DXO: variants seen among roughly 807,000 people sequenced by gnomAD.
DXO encodes the protein decapping and exoribonuclease protein.
A neutral mutation model predicts 39.8 loss-of-function variants in DXO; 42 were observed. The ratio of observed to expected loss-of-function variants is 1.06; its 90% CI spans 0.83 to 1.37. The LOEUF is 1.37. Ranked by LOEUF, DXO falls within the 40% of genes most tolerant of loss-of-function variation. DXO has a pLI of 0.00. For synonymous variants in DXO, 193 were observed against 200.4 expected (o/e 0.96, Z 0.31); for missense variants, 495 against 513.0 (o/e 0.96, Z 0.34).
chr6:31,970,648 G>C lies in DXO; in HGVS notation c.770C>G (p.Ser257Cys). The change falls in exon 4 of 7, where the codon TCC (serine) becomes TGC (cysteine). Residue 257 changes from serine to cysteine, a missense_variant. Physicochemically the swap from Ser to Cys is moderately radical, Grantham distance 112. Transcript: ENST00000337523. This position sits in a 1 kb window ranked among gnomAD's most constrained non-coding sequence, Gnocchi z 4.0. Reference sequence around the variant, plus strand: ...TTGGCCAGGGCTGTGCATCTCCTTGGAGGTCTTGAGCTCCACATAGCAGGT... The same window carrying C: ...TTGGCCAGGGCTGTGCATCTCCTTGCAGGTCTTGAGCTCCACATAGCAGGT... ...PPTCYVELKTSKEMHSPGQWR... is the reference protein window; with the variant it reads ...PPTCYVELKTCKEMHSPGQWR... 4.3e-6 allele frequency: 7 copies of C among 1,613,128 alleles called. No homozygotes were observed. The highest frequency in any genetic ancestry group is 5.9e-6 in the Non-Finnish European group (7 of 1,180,008).
In DXO at chr6:31,972,019, T is replaced by C. The variant is rs765029609; in HGVS notation, c.-97A>G. 1 of 1,607,648 alleles carries C rather than the reference T, an allele frequency of 6.2e-7. No individual in the cohort carries two copies. The highest frequency in any genetic ancestry group is 1.7e-5 in the Admixed American group (1 of 59,834). The stretch of plus-strand genomic sequence containing the variant: ...AGGATGCAAAAGTGGTTTTCTGCTT[T>C]CGATGATGCAATCATTCAGCGACAG... On this transcript the variant is annotated 5_prime_UTR_variant, in exon 1 of 7. Transcript: ENST00000337523. The surrounding 1 kb of genome is among the most constrained non-coding windows in gnomAD (Gnocchi z 6.3).
rs1472730519 is a variant in DXO, at chr6:31,971,593, G to C, written c.83C>G (p.Ser28Cys). The C allele has an allele frequency of 1.2e-6, 2 of 1,613,834 alleles. No homozygotes were observed. Among genetic ancestry groups the C allele is most frequent in the Non-Finnish European group, 1.7e-6 (2 of 1,180,020 alleles). The change falls in exon 2 of 7, where the codon TCT becomes TGT. Residue 28 changes from serine to cysteine, a missense_variant. Ser to Cys is a moderately radical substitution (Grantham distance 112). Coordinates refer to ENST00000337523, the MANE Select transcript of DXO (RefSeq NM_005510.4). This position sits in a 1 kb window ranked among gnomAD's most constrained non-coding sequence, Gnocchi z 4.5. ...PRNKLPRPAP[S>C]LPTDPALYSG... ...GTAGAGGGCAGGGTCTGTGGGCAGA[G>C]AAGGTGCTGGACGAGGTAGTTTGTT...
chr6:31,972,101 C>G lies in DXO; in HGVS notation c.-179G>C. ...GTGTGAGCTTCACGAAGGAGGTTGA[C>G]ACCAACGTGGCCACCGGCGCCCCTC... On this transcript the variant is annotated 5_prime_UTR_variant, in exon 1 of 7. Coordinates refer to ENST00000337523, the MANE Select transcript of DXO (RefSeq NM_005510.4). The surrounding 1 kb of genome is among the most constrained non-coding windows in gnomAD (Gnocchi z 6.3). The G allele has an allele frequency of 6.2e-7, 1 of 1,613,118 alleles. No homozygotes were observed. The highest frequency in any genetic ancestry group is 8.5e-7 in the Non-Finnish European group (1 of 1,179,888).
rs1219344321 is a variant in DXO, at chr6:31,971,099, C to T, written c.405G>A (p.Leu135=). The T allele has an allele frequency of 6.2e-7, 1 of 1,612,900 alleles. No individual in the cohort carries two copies. The highest frequency in any genetic ancestry group is 2.2e-5 in the East Asian group (1 of 44,872). The change falls in exon 3 of 7, where the codon CTG becomes CTA. Residue 135 remains leucine (L), a synonymous_variant. Transcript: ENST00000337523. This position sits in a 1 kb window ranked among gnomAD's most constrained non-coding sequence, Gnocchi z 4.5. ...AEAIVTWRGH[L]TKLLTTPYER... ...CATACGGTGTCGTCAGCAGTTTTGT[C>T]AGGTGCCCCCGCCACGTCACTATGG...
rs1330328012 is a variant in DXO at position 31,971,795 on chromosome 6, A to G, written c.-6-114T>C. 1.5e-6 allele frequency: 2 copies of G among 1,335,226 alleles called. No individual in the cohort carries two copies. Among genetic ancestry groups the G allele is most frequent in the African/African-American group, 1.5e-5 (1 of 67,850 alleles). The allele number at this position is 1,335,226 out of a possible 1,614,324, so 82.7% of individuals were successfully genotyped here. A position where few individuals can be genotyped will look rare whatever the true frequency, so the allele number is the denominator to read the frequency against. ...GCCAGGCTCTGGCCTTGAAACATTC[A>G]GGCCCCTCAGACGCCACCGCGGCCA... On this transcript the variant is annotated intron_variant, in intron 1 of 6. Coordinates refer to ENST00000337523, the MANE Select transcript of DXO (RefSeq NM_005510.4). The surrounding 1 kb of genome is among the most constrained non-coding windows in gnomAD (Gnocchi z 4.5).
In DXO at chr6:31,971,014, C is replaced by T; in HGVS notation, c.490G>A (p.Glu164Lys). ...SRFQGTLYLSEVETPNARAQR... is the reference protein window; with the variant it reads ...SRFQGTLYLSKVETPNARAQR... ...GCCCGAGCGTTCGGTGTCTCCACTT[C>T]ACTCAGGTATAGTGTTCCCTGGAAC... is the stretch of plus-strand genomic sequence containing the variant. The change falls in exon 3 of 7, where the codon GAA (glutamate) becomes AAA (lysine). Residue 164 changes from glutamate to lysine, a missense_variant. Coordinates refer to ENST00000337523, the MANE Select transcript of DXO (RefSeq NM_005510.4). The surrounding 1 kb of genome is among the most constrained non-coding windows in gnomAD (Gnocchi z 4.5). The T allele has an allele frequency of 6.2e-7, 1 of 1,613,040 alleles. No homozygotes were observed. The highest frequency in any genetic ancestry group is 8.5e-7 in the Non-Finnish European group (1 of 1,180,022).
At position 31,971,002 on chromosome 6, in the gene DXO, G is replaced by C; in HGVS notation, c.502C>G (p.Pro168Ala). Reference protein sequence around the residue: ...GTLYLSEVETPNARAQRLARP... With the variant: ...GTLYLSEVETANARAQRLARP... ...GCAAGCCTCTGGGCCCGAGCGTTCGGTGTCTCCACTTCACTCAGGTATAGT... is the reference window on the plus strand; with the variant it reads ...GCAAGCCTCTGGGCCCGAGCGTTCGCTGTCTCCACTTCACTCAGGTATAGT... Residue 168 changes from proline (P) to alanine (A), a missense_variant, in exon 3 of 7, where the codon CCG becomes GCG. Physicochemically the swap from Pro to Ala is conservative, Grantham distance 27. Coordinates refer to ENST00000337523, the MANE Select transcript of DXO (RefSeq NM_005510.4). The surrounding 1 kb of genome is among the most constrained non-coding windows in gnomAD (Gnocchi z 4.5). The C allele has an allele frequency of 6.2e-7, 1 of 1,612,990 alleles. No homozygotes were observed. Among genetic ancestry groups the C allele is most frequent in the Non-Finnish European group, 8.5e-7 (1 of 1,180,012 alleles).
At position 31,970,692 on chromosome 6, in the gene DXO, G is replaced by C; in HGVS notation, c.726C>G (p.Ala242=). Residue 242 remains alanine, a synonymous_variant, in exon 4 of 7, where the codon GCC becomes GCG. Coordinates refer to ENST00000337523, the MANE Select transcript of DXO (RefSeq NM_005510.4). This position sits in a 1 kb window ranked among gnomAD's most constrained non-coding sequence, Gnocchi z 4.0. ...SGEVDCTDPQ[A]PSTQPPTCYV... The stretch of plus-strand genomic sequence containing the variant: ...AGCAGGTTGGGGGCTGTGTGGATGG[G>C]GCTTGGGGGTCTGTGCAGTCTACCT... The C allele has an allele frequency of 1.9e-6, 3 of 1,612,972 alleles. No individual in the cohort carries two copies. The highest frequency in any genetic ancestry group is 2.5e-6 in the Non-Finnish European group (3 of 1,179,996).
rs758535354 is a variant in DXO, at chr6:31,970,313, C to T, written c.948+30G>A. 15 of 1,613,760 alleles carry T rather than the reference C, an allele frequency of 9.3e-6. No homozygotes were observed. Among genetic ancestry groups the T allele is most frequent in the African/African-American group, 2.7e-5 (2 of 74,850 alleles). On this transcript the variant is annotated intron_variant, in intron 5 of 6. Transcript: ENST00000337523. The surrounding 1 kb of genome is among the most constrained non-coding windows in gnomAD (Gnocchi z 4.0). ...CCTGTGGTCTTGGTGTTTGGGGATA[C>T]GGGTGGGAGCTGCAACATCGTTCCC...
At position 31,970,670 on chromosome 6, in the gene DXO, A is replaced by C; in HGVS notation, c.748T>G (p.Cys250Gly). Residue 250 changes from cysteine to glycine, a missense_variant, in exon 4 of 7, where the codon TGC becomes GGC. Physicochemically the swap from Cys to Gly is radical, Grantham distance 159. Coordinates refer to ENST00000337523, the MANE Select transcript of DXO (RefSeq NM_005510.4). This position sits in a 1 kb window ranked among gnomAD's most constrained non-coding sequence, Gnocchi z 4.0. Reference sequence around the variant, plus strand: ...TTGGAGGTCTTGAGCTCCACATAGCAGGTTGGGGGCTGTGTGGATGGGGCT... The same window carrying C: ...TTGGAGGTCTTGAGCTCCACATAGCCGGTTGGGGGCTGTGTGGATGGGGCT... The part of the protein sequence containing the change: ...PQAPSTQPPT[C>G]YVELKTSKEM... 1 of 1,612,942 alleles carries C rather than the reference A, an allele frequency of 6.2e-7. No homozygotes were observed. Among genetic ancestry groups the C allele is most frequent in the East Asian group, 2.2e-5 (1 of 44,870 alleles).
At position 31,970,859 on chromosome 6, in the gene DXO, G is replaced by A; in HGVS notation, c.593-34C>T. ...GGAGAGAAGCAGCAGCAGGCGTGGG[G>A]GGCTCTCAACCTCTGGGAAGGGGAA... On this transcript the variant is annotated intron_variant, in intron 3 of 6. Coordinates refer to ENST00000337523, the MANE Select transcript of DXO (RefSeq NM_005510.4). This position sits in a 1 kb window ranked among gnomAD's most constrained non-coding sequence, Gnocchi z 4.0. The A allele has an allele frequency of 1.2e-6, 2 of 1,612,020 alleles. No homozygotes were observed. The highest frequency in any genetic ancestry group is 1.3e-5 in the African/African-American group (1 of 74,964).
rs201228283 is a variant in DXO at position 31,970,069 on chromosome 6, C to T, written c.1043+40G>A. 3 of 1,613,802 alleles carry T rather than the reference C, an allele frequency of 1.9e-6. No individual in the cohort carries two copies. Among genetic ancestry groups the T allele is most frequent in the East Asian group, 2.2e-5 (1 of 44,894 alleles). ...ATCAGTTGAGGGCCAGAGGCTGGATCCTGGGATCCAGAGGGGAGGGACAGA... is the reference window on the plus strand; with the variant it reads ...ATCAGTTGAGGGCCAGAGGCTGGATTCTGGGATCCAGAGGGGAGGGACAGA... On this transcript the variant is annotated intron_variant, in intron 6 of 6. Transcript: ENST00000337523. This position sits in a 1 kb window ranked among gnomAD's most constrained non-coding sequence, Gnocchi z 4.0.
Position 31,971,315 on chromosome 6 carries a change from C to T in DXO, c.356+5G>A. 6.5e-7 allele frequency: 1 copy of T among 1,538,902 alleles called. No individual in the cohort carries two copies. Among genetic ancestry groups the T allele is most frequent in the Non-Finnish European group, 8.8e-7 (1 of 1,142,080 alleles). On this transcript the variant is annotated splice_donor_5th_base_variant and intron_variant, in intron 2 of 6. Coordinates refer to ENST00000337523, the MANE Select transcript of DXO (RefSeq NM_005510.4). This position sits in a 1 kb window ranked among gnomAD's most constrained non-coding sequence, Gnocchi z 4.5. ...CAGATATACTGCCTACCACGCTTTG[C>T]TCACCCCTCCAACCGGCCTCGGTGT...
chr6:31,970,734 A>T lies in DXO; in HGVS notation c.684T>A (p.Pro228=). ...AGTCTACCTCCCCTGAGAAGAGCAG[A>T]GGGTGGCTTCCCAGGCGGCTGCGTA... is the stretch of plus-strand genomic sequence containing the variant. The part of the protein sequence containing the change: ...SVLRSRLGSH[P]LLFSGEVDCT... The change falls in exon 4 of 7, where the codon CCT becomes CCA. Residue 228 remains proline (P), a synonymous_variant. Transcript: ENST00000337523. This position sits in a 1 kb window ranked among gnomAD's most constrained non-coding sequence, Gnocchi z 4.0. The T allele has an allele frequency of 6.2e-7, 1 of 1,612,830 alleles. No individual in the cohort carries two copies. Among genetic ancestry groups the T allele is most frequent in the Non-Finnish European group, 8.5e-7 (1 of 1,179,990 alleles).
chr6:31,970,907 C>G lies in DXO; in HGVS notation c.592+5G>C. ...GAAGGGGGCTATGAAGCAGGGGCAA[C>G]TCACCTGCACACATGTACTGCTCAA... On this transcript the variant is annotated splice_donor_5th_base_variant and intron_variant, in intron 3 of 6. Transcript: ENST00000337523. This position sits in a 1 kb window ranked among gnomAD's most constrained non-coding sequence, Gnocchi z 4.0. 8 of 1,610,528 alleles carry G rather than the reference C, an allele frequency of 5.0e-6. No individual in the cohort carries two copies. The highest frequency in any genetic ancestry group is 6.8e-6 in the Non-Finnish European group (8 of 1,177,970).
Position 31,971,259 on chromosome 6 carries a change from C to A in DXO, c.356+61G>T. The A allele has an allele frequency of 6.5e-7, 1 of 1,540,570 alleles. No homozygotes were observed. Among genetic ancestry groups the A allele is most frequent in the Non-Finnish European group, 8.8e-7 (1 of 1,142,780 alleles). ...ACTGATTCTCACCCCGGCTTTGGCT[C>A]TCCTAATTTTAGAGGGTAGGTACGG... On this transcript the variant is annotated intron_variant, in intron 2 of 6. Coordinates refer to ENST00000337523, the MANE Select transcript of DXO (RefSeq NM_005510.4). This position sits in a 1 kb window ranked among gnomAD's most constrained non-coding sequence, Gnocchi z 4.5.
chr6:31,970,538 C>T lies in DXO; in HGVS notation c.813-60G>A, dbSNP rs1773178514. ...CGTGCACCCTCCATTCTGCCTTCAC[C>T]CTCCTCCCCAAGTCCCTTTCCCAGC... is the stretch of plus-strand genomic sequence containing the variant. On this transcript the variant is annotated intron_variant, in intron 4 of 6. Coordinates refer to ENST00000337523, the MANE Select transcript of DXO (RefSeq NM_005510.4). This position sits in a 1 kb window ranked among gnomAD's most constrained non-coding sequence, Gnocchi z 4.0. The T allele has an allele frequency of 6.8e-6, 11 of 1,613,152 alleles. No homozygotes were observed. Among genetic ancestry groups the T allele is most frequent in the South Asian group, 5.5e-5 (5 of 91,080 alleles).
chr6:31,971,515 AG>A lies in DXO; in HGVS notation c.160del (p.Leu54TrpfsTer75). ...RRPSELGCFS[L>X]DAQRQYHGDA... ...TCCATGGTACTGGCGTTGAGCATCCAGGGAGAAGCAGCCCAGTTCCGAAGGG... is the reference window on the plus strand; with the variant it reads ...TCCATGGTACTGGCGTTGAGCATCCAGGAGAAGCAGCCCAGTTCCGAAGGG... On this transcript the variant is annotated frameshift_variant, in exon 2 of 7. Transcript: ENST00000337523. LOFTEE classifies it high-confidence loss of function. This position sits in a 1 kb window ranked among gnomAD's most constrained non-coding sequence, Gnocchi z 4.5. 3.1e-6 allele frequency: 5 copies of A among 1,614,178 alleles called. No individual in the cohort carries two copies. Among genetic ancestry groups the A allele is most frequent in the Non-Finnish European group, 4.2e-6 (5 of 1,180,032 alleles).
chr6:31,971,377 TG>T lies in DXO; in HGVS notation c.298del (p.Gln100ArgfsTer29). ...GCACAGCAGGTGGTCCAGCCTTTCC[TG>T]GACCTCCTCGTCCCGGGGCTGGTAT... Reference protein sequence around the residue: ...DRYQPRDEEVQERLDHLLCWL... With the variant: ...DRYQPRDEEVXERLDHLLCWL... On this transcript the variant is annotated frameshift_variant, in exon 2 of 7. Transcript: ENST00000337523. LOFTEE classifies it high-confidence loss of function. This position sits in a 1 kb window ranked among gnomAD's most constrained non-coding sequence, Gnocchi z 4.5. 1 of 1,576,264 alleles carries T rather than the reference TG, an allele frequency of 6.3e-7. No homozygotes were observed. The highest frequency in any genetic ancestry group is 8.6e-7 in the Non-Finnish European group (1 of 1,158,528).
Sources: allele counts gnomAD v4.1 joint callset, GRCh38; gene constraint gnomAD v4.1.1; non-coding constraint Gnocchi (gnomAD v3.1); transcripts MANE v1.5; gene names NCBI Gene and HGNC (gene_info 2026-07-23, HGNC 2026-07-21).